DGKG: variants seen among roughly 807,000 people sequenced by gnomAD.
DGKG encodes diacylglycerol kinase gamma.
DGKG carries 78 observed loss-of-function variants against 105.3 expected under a neutral mutation model. The ratio of observed to expected loss-of-function variants is 0.74; its 90% CI spans 0.62 to 0.89. The LOEUF (loss-of-function observed/expected upper bound fraction) is 0.89, where lower values mean the gene tolerates loss of function less well. Ranked by LOEUF, DGKG falls within the 40% of genes least tolerant of loss-of-function variation. DGKG has a pLI of 0.00. For synonymous variants in DGKG, 346 were observed against 367.1 expected (o/e 0.94, Z 0.66); for missense variants, 958 against 1,020.1 (o/e 0.94, Z 0.83).
At chr3:186,200,902 C>A (rs534887347) in intron 21 of DGKG, among the ~76,000 whole-genome samples, 1 of 152,052 alleles carries the variant, frequency 6.6e-6, no homozygotes, top group Admixed American at 6.5e-5. Flanking sequence ...CTGTGCCAGG[C>A]GGGCACAATG....
intron 18 of DGKG, 132 bp from the exon 19 acceptor site, chr3:186,252,051 G>C: frequency 1.2e-6 from 1 of 806,708 alleles, no homozygotes. Flanking sequence ...CTGTGGGCTA[G>C]AGACACTTAC....
At position 186,313,583 on chromosome 3, in the gene DGKG, A is replaced by G. The variant is rs1032601049; in HGVS notation, c.68-6606T>C. The G allele has an allele frequency of 4.4e-6, 4 of 900,860 alleles. No homozygotes were observed. The African/African-American group carries it at 5.4e-5, about 12-fold the overall frequency. The allele number at this position is 900,860 out of a possible 1,614,324, so 55.8% of individuals were successfully genotyped here. On this transcript the variant is annotated intron_variant, in intron 2 of 24. Transcript: ENST00000265022. ...CTAAAAGTGTGGTCCCTGGACCAGCAGCATCAGCATCACCTGGGAGCTTGT... is the reference window on the plus strand; with the variant it reads ...CTAAAAGTGTGGTCCCTGGACCAGCGGCATCAGCATCACCTGGGAGCTTGT...
chr3:186,154,180 G>C (rs2108469587), intron 24 of DGKG, among the ~76,000 whole-genome samples: 1 of 152,340 alleles, frequency 6.6e-6, no homozygotes, highest in Non-Finnish European at 1.5e-5. Context: ...CACAAATCTG[G>C]AAGGTCTCAA....
chr3:186,149,008 GCA>G lies in DGKG; in HGVS notation c.*1080_*1081del, dbSNP rs770045630. 0.017 allele frequency: 12,414 copies of G among 732,940 alleles called. 2 individuals are homozygous for G. The highest frequency in any genetic ancestry group is 0.018 in the Non-Finnish European group (11,022 of 609,524). The allele number at this position is 732,940 out of a possible 1,614,324, so 45.4% of individuals were successfully genotyped here. A position where few individuals can be genotyped will look rare whatever the true frequency, so the allele number is the denominator to read the frequency against. The stretch of plus-strand genomic sequence containing the variant: ...ATAGGCTAAATATATATATATACAC[GCA>G]CACACACACACACACGCGCGCACAC... On this transcript the variant is annotated 3_prime_UTR_variant, in exon 25 of 25. Transcript: ENST00000265022.
intron 1 of DGKG, among the ~76,000 whole-genome samples, chr3:186,351,068 T>C (rs1004557978): frequency 6.6e-6 from 1 of 152,208 alleles, no homozygotes; most frequent in Non-Finnish European, 1.5e-5. Context: ...CCTTTGGAGA[T>C]GTTAGTGGAA....
intron 2 of DGKG, among the ~76,000 whole-genome samples, chr3:186,312,534 C>T (rs558027313): frequency 3.3e-5 from 5 of 152,122 alleles, no homozygotes; most frequent in South Asian, 2.1e-4. Flanking sequence ...GAAAAGACCA[C>T]GATGCCGAGG....
rs1440296575 is a variant in DGKG, at chr3:186,150,023, TTGTG to T, written c.*63_*66del. ...GTGCATGTGTGAGTGTGCACATAAATTGTGTGTGAGTGTGCATTATAGTTTCTTG... is the reference window on the plus strand; with the variant it reads ...GTGCATGTGTGAGTGTGCACATAAATTGTGAGTGTGCATTATAGTTTCTTG... On this transcript the variant is annotated 3_prime_UTR_variant, in exon 25 of 25. Transcript: ENST00000265022. 5 of 1,551,474 alleles carry T rather than the reference TTGTG, an allele frequency of 3.2e-6. No homozygotes were observed. The highest frequency in any genetic ancestry group is 4.4e-6 in the Non-Finnish European group (5 of 1,147,346).
At chr3:186,290,052 G>A (rs900961539) in intron 5 of DGKG, among the ~76,000 whole-genome samples, 1 of 152,160 alleles carries the variant, frequency 6.6e-6, no homozygotes, top group African/African-American at 2.4e-5. Flanking sequence ...ATTACAGAGG[G>A]CCTCATGAAG....
intron 1 of DGKG, among the ~76,000 whole-genome samples, chr3:186,349,841 G>A (rs1259553581): frequency 6.6e-6 from 1 of 151,440 alleles, no homozygotes; most frequent in African/African-American, 2.4e-5. Context: ...GTGTCATTAA[G>A]TACAGTTACA....
chr3:186,232,248 AT>A (rs2108541376), intron 20 of DGKG, among the ~76,000 whole-genome samples: 1 of 152,338 alleles, frequency 6.6e-6, no homozygotes, highest in East Asian at 1.9e-4. Context: ...AACTCACTCC[AT>A]TCAGCTCCTT....
intron 19 of DGKG, among the ~76,000 whole-genome samples, chr3:186,251,186 G>C (rs1721208547): frequency 6.6e-6 from 1 of 152,192 alleles, no homozygotes; most frequent in African/African-American, 2.4e-5. Flanking sequence ...GTGAGCATAA[G>C]GGCTGTGGGA....
chr3:186,161,071 A>C (rs1716267594), intron 24 of DGKG: 1 of 986,516 alleles, frequency 1.0e-6, no homozygotes, highest in South Asian at 4.7e-5. Flanking sequence ...ATTTTCAAGT[A>C]GGTTATCAGG....
chr3:186,202,694 G>A (rs1389888536), intron 21 of DGKG, among the ~76,000 whole-genome samples: 1 of 152,230 alleles, frequency 6.6e-6, no homozygotes, highest in African/African-American at 2.4e-5. Context: ...GGCTGGGACA[G>A]AAGTTGGCTG....
intron 1 of DGKG, among the ~76,000 whole-genome samples, chr3:186,323,578 G>A (rs542018584): frequency 1.3e-5 from 2 of 152,292 alleles, no homozygotes; most frequent in East Asian, 3.9e-4. Context: ...CGGATCATGA[G>A]GTCAGGAGAT....
intron 1 of DGKG, among the ~76,000 whole-genome samples, chr3:186,325,056 C>T (rs1725269373): frequency 6.6e-6 from 1 of 152,220 alleles, no homozygotes; most frequent in Non-Finnish European, 1.5e-5. Flanking sequence ...ATGTCCTTTG[C>T]AGCAACATGG....
chr3:186,316,031 T>C (rs1355903553), intron 2 of DGKG, among the ~76,000 whole-genome samples: 1 of 152,246 alleles, frequency 6.6e-6, no homozygotes, highest in Non-Finnish European at 1.5e-5. Context: ...GGAGAGGCCC[T>C]GGAAGACAAG....
chr3:186,251,858 C>T lies in DGKG; in HGVS notation c.1662G>A (p.Met554Ile), dbSNP rs760511371. Residue 554 changes from methionine (M) to isoleucine (I), a missense_variant, in exon 19 of 25, where the codon ATG becomes ATA. Physicochemically the swap from Met to Ile is conservative, Grantham distance 10. Coordinates refer to ENST00000265022, the MANE Select transcript of DGKG (RefSeq NM_001346.3). ...LKDIEQSPLV[M>I]LDRWHLEVIP... Reference sequence around the variant, plus strand: ...TGACTTCCAGATGCCAGCGGTCCAGCATCACCAAGGGGCTCTGCTCAATGT... The same window carrying T: ...TGACTTCCAGATGCCAGCGGTCCAGTATCACCAAGGGGCTCTGCTCAATGT... The T allele has an allele frequency of 2.5e-6, 4 of 1,612,614 alleles. No homozygotes were observed. Among genetic ancestry groups the T allele is most frequent in the South Asian group, 1.1e-5 (1 of 90,876 alleles).
chr3:186,290,575 T>C (rs1578783904), intron 5 of DGKG, among the ~76,000 whole-genome samples: 1 of 152,212 alleles, frequency 6.6e-6, no homozygotes, highest in Non-Finnish European at 1.5e-5. Flanking sequence ...CACTGATCTC[T>C]GAGAAGATGA....
rs1441491560 is a variant in DGKG, at chr3:186,218,512, A to AT, written c.1827-6628_1827-6627insA. ...AGCGAGACTCCGTCTGAAAAAAAAAAAAAAAAAAAAAAAATGAAAGACTCG... is the reference window on the plus strand; with the variant it reads ...AGCGAGACTCCGTCTGAAAAAAAAAATAAAAAAAAAAAAAATGAAAGACTCG... On this transcript the variant is annotated intron_variant, in intron 20 of 24. Coordinates refer to ENST00000265022, the MANE Select transcript of DGKG (RefSeq NM_001346.3). 2.0e-3 allele frequency among the ~76,000 whole-genome samples: 294 copies of AT among 150,248 alleles called. 1 individual carries two copies. Among genetic ancestry groups the AT allele is most frequent in the African/African-American group, 6.8e-3 (279 of 40,964 alleles).
Sources: allele counts gnomAD v4.1 joint callset (sites outside exome capture counted in the v4.1 genomes callset), GRCh38; gene constraint gnomAD v4.1.1; transcripts MANE v1.5; gene names NCBI Gene and HGNC (gene_info 2026-07-23, HGNC 2026-07-21).